Variants in HIRA observed in about 807,000 individuals in gnomAD.
HIRA encodes protein HIRA.
A neutral mutation model predicts 126.6 loss-of-function variants in HIRA; 13 were observed. That is an observed-to-expected ratio of 0.10 (90% CI 0.07 to 0.16). The LOEUF (loss-of-function observed/expected upper bound fraction) is 0.16. HIRA is among the 10% of genes least tolerant of loss of function. The probability of loss-of-function intolerance (pLI) is 1.00; values close to 1 mark genes in which losing one functional copy is unlikely to be tolerated. For missense variants in HIRA, 834 were observed against 1,314.4 expected (o/e 0.63, Z 5.65); for synonymous variants, 511 against 520.0 (o/e 0.98, Z 0.24).
intron 4 of HIRA, among the ~76,000 whole-genome samples, chr22:19,406,462 G>A (rs1173923225): frequency 6.6e-6 from 1 of 152,230 alleles, no homozygotes; most frequent in Non-Finnish European, 1.5e-5. Context: ...CACCACAGGA[G>A]CCAGAGGAGC....
chr22:19,412,696 C>T (rs983178730), intron 1 of HIRA, among the ~76,000 whole-genome samples: 9 of 152,138 alleles, frequency 5.9e-5, no homozygotes, highest in Non-Finnish European at 8.8e-5. Flanking sequence ...CCCTGACTAC[C>T]CAAGAGCACG....
intron 9 of HIRA, among the ~76,000 whole-genome samples, chr22:19,390,419 C>G (rs2089167591): frequency 6.6e-6 from 1 of 151,468 alleles, no homozygotes; most frequent in South Asian, 2.1e-4. Context: ...ATGGTGAAAC[C>G]CCATCTTTAC....
At chr22:19,385,786 C>T in intron 11 of HIRA, 50 bp from the exon 12 acceptor site, 1 of 1,543,126 alleles carries the variant, frequency 6.5e-7, no homozygotes. Flanking sequence ...GCCAGTGTGG[C>T]CAGTGCTGCC....
At chr22:19,353,881 G>T in intron 22 of HIRA, 115 bp downstream of exon 22, 1 of 1,314,586 alleles carries the variant, frequency 7.6e-7, no homozygotes, top group Non-Finnish European at 1.0e-6. Context: ...AGCACCTGGG[G>T]CACAGGGGAA....
In HIRA at chr22:19,335,691, C is replaced by CA. The variant is rs782164161; in HGVS notation, c.2938-4136_2938-4135insT. 2.4e-4 allele frequency among the ~76,000 whole-genome samples: 16 copies of CA among 66,588 alleles called. No homozygotes were observed. In the East Asian group the frequency reaches 4.4e-3, roughly 18 times the overall value. 43.7% of individuals were successfully genotyped at this position (66,588 alleles called of 152,430 possible). On this transcript the variant is annotated intron_variant, in intron 24 of 24. Transcript: ENST00000263208. ...TTCCTAAACTCCATTTATTGAATAG[C>CA]CCCCCCTATTTTTCCCACTGTATCT... is the stretch of plus-strand genomic sequence containing the variant.
chr22:19,399,524 G>GT (rs1347853787), intron 5 of HIRA, among the ~76,000 whole-genome samples: 1 of 151,854 alleles, frequency 6.6e-6, no homozygotes, highest in Non-Finnish European at 1.5e-5. Flanking sequence ...CTGGATTCTG[G>GT]TTTTTTGGGC....
intron 24 of HIRA, among the ~76,000 whole-genome samples, chr22:19,335,195 T>C (rs1391786879): frequency 2.0e-5 from 3 of 152,204 alleles, no homozygotes; most frequent in African/African-American, 4.8e-5. Context: ...ACATATGTTA[T>C]AATTACAAAC....
chr22:19,369,473 C>G (rs1213584080), intron 15 of HIRA, among the ~76,000 whole-genome samples: 1 of 152,142 alleles, frequency 6.6e-6, no homozygotes, highest in Non-Finnish European at 1.5e-5. Context: ...GGAGAGTTTT[C>G]CTGGGAGGTC....
chr22:19,382,767 CTTTCTTTT>C lies in HIRA; in HGVS notation c.1415+845_1415+852del, dbSNP rs1364307711. On this transcript the variant is annotated intron_variant, in intron 13 of 24. Coordinates refer to ENST00000263208, the MANE Select transcript of HIRA (RefSeq NM_003325.4). The stretch of plus-strand genomic sequence containing the variant: ...TTTCACACAGTGCTTTATCATTTTT[CTTTCTTTT>C]TTTTTTTTTTTTTGAATCAACACAC... Among the ~76,000 whole-genome samples the C allele has an allele frequency of 5.6e-4, 75 of 134,292 alleles. 1 individual carries two copies. The highest frequency in any genetic ancestry group is 2.3e-3 in the African/African-American group (68 of 30,222). 88.1% of individuals were successfully genotyped at this position (134,292 alleles called of 152,430 possible).
At chr22:19,403,934 T>A (rs1324091838) in intron 5 of HIRA, among the ~76,000 whole-genome samples, 1 of 152,198 alleles carries the variant, frequency 6.6e-6, no homozygotes, top group Non-Finnish European at 1.5e-5. Flanking sequence ...AATCCTATGG[T>A]ATCAATTATG....
At chr22:19,408,681 C>CT in intron 2 of HIRA, 88 bp from the exon 3 acceptor site, 1 of 716,686 alleles carries the variant, frequency 1.4e-6, no homozygotes, top group Non-Finnish European at 2.5e-6. Context: ...AGGAGAAGTC[C>CT]TCACTTAGCT....
chr22:19,387,932 TG>T, intron 10 of HIRA, 116 bp from the exon 11 acceptor site: 2 of 112,262 alleles, frequency 1.8e-5, no homozygotes, highest in South Asian at 1.0e-4. Context: ...TGGAAACTCC[TG>T]GTTCCCTTCT....
intron 5 of HIRA, 121 bp downstream of exon 5, chr22:19,405,665 T>A: frequency 1.1e-6 from 1 of 872,300 alleles, no homozygotes. Flanking sequence ...TGTGATGGGG[T>A]GGGACAGCCC....
chr22:19,371,370 C>CT (rs373078892), intron 15 of HIRA, among the ~76,000 whole-genome samples: 8 of 152,050 alleles, frequency 5.3e-5, no homozygotes, highest in African/African-American at 1.9e-4. Context: ...TGCTTGTTGA[C>CT]TTTTAAACTG....
chr22:19,392,451 T>C (rs975839875), intron 8 of HIRA, among the ~76,000 whole-genome samples: 1 of 152,200 alleles, frequency 6.6e-6, no homozygotes, highest in African/African-American at 2.4e-5. Context: ...GAAATGCAGA[T>C]TTGAAACTAG....
rs1360643171 is a variant in HIRA, at chr22:19,387,780, C to G, written c.1044G>C (p.Met348Ile). ...LNGLGILVCSMDGSVAFLDFS... is the reference protein window; with the variant it reads ...LNGLGILVCSIDGSVAFLDFS... ...AGTCGAGGAATGCCACAGAGCCGTC[C>G]ATAGAGCATACCAAGATGCCCAGCC... The change falls in exon 11 of 25, where the codon ATG becomes ATC. Residue 348 changes from methionine to isoleucine, a missense_variant. By Grantham distance (10) the Met-to-Ile change is conservative (BLOSUM62 1). Transcript: ENST00000263208. 1.2e-6 allele frequency: 2 copies of G among 1,613,720 alleles called. No individual in the cohort carries two copies. The highest frequency in any genetic ancestry group is 1.7e-6 in the Non-Finnish European group (2 of 1,179,934).
At chr22:19,396,765 T>A (rs1200314664) in intron 7 of HIRA, 22 bp downstream of exon 7, 3 of 1,612,114 alleles carry the variant, frequency 1.9e-6, no homozygotes, top group Admixed American at 1.7e-5. Context: ...GGGGCTCAGC[T>A]CCCTGAGCTG....
intron 15 of HIRA, among the ~76,000 whole-genome samples, chr22:19,366,286 C>T (rs1484173582): frequency 6.6e-6 from 1 of 151,502 alleles, no homozygotes; most frequent in African/African-American, 2.4e-5. Context: ...GGCGTGAACC[C>T]GGGAGGTGGA....
intron 24 of HIRA, among the ~76,000 whole-genome samples, chr22:19,332,642 C>T (rs1243090892): frequency 1.4e-5 from 2 of 145,616 alleles, no homozygotes; most frequent in Admixed American, 6.8e-5. Context: ...AAAACCAACA[C>T]AAAATACTCC....
Sources: allele counts gnomAD v4.1 joint callset (sites outside exome capture counted in the v4.1 genomes callset), GRCh38; gene constraint gnomAD v4.1.1; transcripts MANE v1.5; gene names NCBI Gene and HGNC (gene_info 2026-07-23, HGNC 2026-07-21).